MDGA2: variants seen among roughly 807,000 people sequenced by gnomAD.
MDGA2 encodes MAM domain-containing glycosylphosphatidylinositol anchor protein 2.
MDGA2 carries 40 observed loss-of-function variants against 117.8 expected under a neutral mutation model. That is an observed-to-expected ratio of 0.34 (90% CI 0.26 to 0.44). The LOEUF is 0.44. MDGA2 is among the 20% of genes least tolerant of loss of function. The pLI is 1.00. For missense variants in MDGA2, 1,123 were observed against 1,250.6 expected (o/e 0.90, Z 1.54); for synonymous variants, 452 against 439.0 (o/e 1.03, Z -0.37).
intron 1 of MDGA2, among the ~76,000 whole-genome samples, chr14:47,400,332 TA>T (rs1428499702): frequency 6.6e-6 from 1 of 152,192 alleles, no homozygotes; most frequent in Non-Finnish European, 1.5e-5. Context: ...TTATGACTAT[TA>T]TTTTTTCTTT....
At position 46,874,017 on chromosome 14, in the gene MDGA2, A is replaced by G. The variant is rs1450286679; in HGVS notation, c.2593+28T>C. 3.3e-6 allele frequency: 5 copies of G among 1,506,388 alleles called. No individual in the cohort carries two copies. The East Asian group carries it at 7.7e-5, about 23-fold the overall frequency. 93.3% of individuals were successfully genotyped at this position (1,506,388 alleles called of 1,614,324 possible). A position where few individuals can be genotyped will look rare whatever the true frequency, so the allele number is the denominator to read the frequency against. On this transcript the variant is annotated intron_variant, in intron 13 of 16. Coordinates refer to ENST00000399232, the MANE Select transcript of MDGA2 (RefSeq NM_001113498.3). The stretch of plus-strand genomic sequence containing the variant: ...CAGTTTTTAAAAGTCTCTGATTGCT[A>G]TGAACACAAAAGGTCATACCCCCAT...
At chr14:47,436,900 T>C (rs1290668327) in intron 1 of MDGA2, among the ~76,000 whole-genome samples, 2 of 152,082 alleles carry the variant, frequency 1.3e-5, no homozygotes, top group East Asian at 1.9e-4. Flanking sequence ...AAAAGAATGA[T>C]ATCTAGGCAC....
chr14:47,338,706 G>A (rs998979307), intron 1 of MDGA2, among the ~76,000 whole-genome samples: 3 of 152,054 alleles, frequency 2.0e-5, no homozygotes, highest in Non-Finnish European at 4.4e-5. Context: ...CACAACAATT[G>A]CTTTCTTTGG....
rs1316328806 is a variant in MDGA2, at chr14:46,855,193, T to C, written c.2753-39A>G. 1 of 1,563,756 alleles carries C rather than the reference T, an allele frequency of 6.4e-7. No individual in the cohort carries two copies. Among genetic ancestry groups the C allele is most frequent in the Admixed American group, 1.9e-5 (1 of 52,046 alleles). On this transcript the variant is annotated intron_variant, in intron 14 of 16. Transcript: ENST00000399232. The surrounding 1 kb of genome is among the most constrained non-coding windows in gnomAD (Gnocchi z 4.1). ...TAAAATTTTATTTTGCATATTCATT[T>C]TCACCTCAAATTTGTTTTTCCTTGA...
chr14:47,280,066 C>T (rs1888426583), intron 2 of MDGA2, among the ~76,000 whole-genome samples: 1 of 151,376 alleles, frequency 6.6e-6, no homozygotes, highest in South Asian at 2.1e-4. Flanking sequence ...CCCATCTGAG[C>T]ACTTCTGGGA....
intron 7 of MDGA2, among the ~76,000 whole-genome samples, chr14:47,056,262 T>C (rs537427166): frequency 1.3e-5 from 2 of 152,260 alleles, no homozygotes; most frequent in East Asian, 1.9e-4. Flanking sequence ...TTCTTTCTTG[T>C]GTACTGTAGT....
At chr14:47,569,553 G>C (rs1895981489) in intron 1 of MDGA2, among the ~76,000 whole-genome samples, 1 of 152,196 alleles carries the variant, frequency 6.6e-6, no homozygotes, top group African/African-American at 2.4e-5. Flanking sequence ...CCAGCCAAAG[G>C]AAGAAACTAT....
At chr14:47,400,287 CAA>C (rs1188923425) in intron 1 of MDGA2, among the ~76,000 whole-genome samples, 1 of 152,106 alleles carries the variant, frequency 6.6e-6, no homozygotes, top group Non-Finnish European at 1.5e-5. Context: ...CTCAAACTCA[CAA>C]AACTGTACAT....
Position 47,368,446 on chromosome 14 carries a change from T to G in MDGA2, c.281-66896A>C, listed in dbSNP as rs562328114. 1.3e-4 allele frequency among the ~76,000 whole-genome samples: 20 copies of G among 152,306 alleles called. No homozygotes were observed. The South Asian group carries it at 4.1e-3, about 32-fold the overall frequency. ...TACCATCTAGATTAGAGAATAGAATTGAATAATCATACAGTGTAATAAAAT... is the reference window on the plus strand; with the variant it reads ...TACCATCTAGATTAGAGAATAGAATGGAATAATCATACAGTGTAATAAAAT... On this transcript the variant is annotated intron_variant, in intron 1 of 16. Coordinates refer to ENST00000399232, the MANE Select transcript of MDGA2 (RefSeq NM_001113498.3).
intron 8 of MDGA2, among the ~76,000 whole-genome samples, chr14:46,971,267 C>G (rs975593319): frequency 1.3e-5 from 2 of 152,096 alleles, no homozygotes; most frequent in African/African-American, 4.8e-5. Flanking sequence ...TGAATTTGCA[C>G]ATTTATCACA....
intron 8 of MDGA2, among the ~76,000 whole-genome samples, chr14:47,032,789 A>C (rs192626406): frequency 6.6e-6 from 1 of 152,298 alleles, no homozygotes; most frequent in East Asian, 1.9e-4. Context: ...TTGTACCTGA[A>C]AAATAGTGAC....
At chr14:47,236,710 G>C (rs1886878094) in intron 2 of MDGA2, among the ~76,000 whole-genome samples, 1 of 152,092 alleles carries the variant, frequency 6.6e-6, no homozygotes, top group African/African-American at 2.4e-5. Context: ...TTATACATTA[G>C]CAAAGTATTA....
At chr14:47,399,435 A>G (rs1334310614) in intron 1 of MDGA2, among the ~76,000 whole-genome samples, 1 of 152,202 alleles carries the variant, frequency 6.6e-6, no homozygotes, top group African/African-American at 2.4e-5. Context: ...ATAATTGTCC[A>G]ACATCTGCTT....
chr14:46,930,114 G>GAAA (rs35314428), intron 9 of MDGA2, among the ~76,000 whole-genome samples: 169 of 150,592 alleles, frequency 1.1e-3, no homozygotes, highest in African/African-American at 4.0e-3. Flanking sequence ...ACCCAAAGAA[G>GAAA]AAAAAAAAAC....
At chr14:47,506,159 C>A (rs779571759) in intron 1 of MDGA2, among the ~76,000 whole-genome samples, 5 of 151,982 alleles carry the variant, frequency 3.3e-5, no homozygotes, top group Non-Finnish European at 5.9e-5. Flanking sequence ...TTTTTGAGCA[C>A]AAAGTGTTTA....
chr14:47,510,747 A>C (rs966778652), intron 1 of MDGA2, among the ~76,000 whole-genome samples: 1 of 152,200 alleles, frequency 6.6e-6, no homozygotes, highest in African/African-American at 2.4e-5. Context: ...ATAAATCCTT[A>C]CAGGAGCTGG....
Position 47,643,878 on chromosome 14 carries a change from T to C in MDGA2, c.280+30639A>G, listed in dbSNP as rs373439027. On this transcript the variant is annotated intron_variant, in intron 1 of 16. Coordinates refer to ENST00000399232, the MANE Select transcript of MDGA2 (RefSeq NM_001113498.3). ...TTGTGAGGGTTACTGATTAAATCAG[T>C]TCTTAAAAATACAGTAAAAGCTAAA... 4.6e-5 allele frequency among the ~76,000 whole-genome samples: 7 copies of C among 152,110 alleles called. No individual in the cohort carries two copies. The East Asian group carries it at 1.3e-3, about 29-fold the overall frequency.
chr14:47,644,100 C>T (rs1054311069), intron 1 of MDGA2, among the ~76,000 whole-genome samples: 24 of 152,098 alleles, frequency 1.6e-4, no homozygotes, highest in Admixed American at 1.2e-3. Context: ...GAAAAACAGT[C>T]ACTTCAGTCT....
chr14:47,610,526 G>A (rs970993407), intron 1 of MDGA2, among the ~76,000 whole-genome samples: 61 of 151,812 alleles, frequency 4.0e-4, no homozygotes, highest in African/African-American at 1.4e-3. Context: ...GCAACCAAGC[G>A]GAGAATCAAA....
Sources: gnomAD v4.1 joint callset for allele counts (sites outside exome capture counted in the v4.1 genomes callset) on GRCh38, gnomAD v4.1.1 for gene constraint, Gnocchi (gnomAD v3.1) non-coding constraint, MANE v1.5 for transcripts, NCBI Gene and HGNC (gene_info 2026-07-23, HGNC 2026-07-21) for gene names.